RILPL1: variants seen among roughly 807,000 people sequenced by gnomAD.
The protein encoded by RILPL1 is RILP-like protein 1.
RILPL1 carries 33 observed loss-of-function variants against 50.3 expected under a neutral mutation model. That is an observed-to-expected ratio of 0.66 (90% confidence interval 0.50 to 0.88). The LOEUF is 0.88. Ranked by LOEUF, RILPL1 falls within the 40% of genes least tolerant of loss-of-function variation. The pLI, the probability that RILPL1 is intolerant of heterozygous loss-of-function variation, is 0.00. For missense variants in RILPL1, 418 were observed against 542.5 expected (o/e 0.77, Z 2.28); for synonymous variants, 205 against 228.6 (o/e 0.90, Z 0.93).
chr12:123,494,317 AAGGG>A (rs1882893625), intron 4 of RILPL1, among the ~76,000 whole-genome samples: 1 of 152,212 alleles, frequency 6.6e-6, no homozygotes, highest in Non-Finnish European at 1.5e-5. Flanking sequence ...ACAGAGCTCC[AAGGG>A]ATAGATGCGA....
At chr12:123,530,490 T>A (rs773384346) in intron 1 of RILPL1, among the ~76,000 whole-genome samples, 2 of 152,168 alleles carry the variant, frequency 1.3e-5, no homozygotes, top group Non-Finnish European at 2.9e-5. Flanking sequence ...TTTATTAACA[T>A]GGCAAAGCTG....
chr12:123,504,402 A>C lies in RILPL1; in HGVS notation c.461-4866T>G, dbSNP rs1432243544. On this transcript the variant is annotated intron_variant, in intron 2 of 6. Transcript: ENST00000376874. ...GTCTTGGTGGTCACCACCATGAACAAGCATCCCTGGTGTGTTTCCAGAACA... is the reference window on the plus strand; with the variant it reads ...GTCTTGGTGGTCACCACCATGAACACGCATCCCTGGTGTGTTTCCAGAACA... Among the ~76,000 whole-genome samples, 6 of 152,142 alleles carry C rather than the reference A, an allele frequency of 3.9e-5. 1 individual carries two copies. The South Asian group carries it at 1.2e-3, about 32-fold the overall frequency.
chr12:123,533,315 C>T lies in RILPL1; in HGVS notation c.168G>A (p.Lys56=). Residue 56 remains lysine, a synonymous_variant, in exon 1 of 7, where the codon AAG becomes AAA. Coordinates refer to ENST00000376874, the MANE Select transcript of RILPL1 (RefSeq NM_178314.5). This position sits in a 1 kb window ranked among gnomAD's most constrained non-coding sequence, Gnocchi z 6.2. ...GCEAIARLMP[K]VVRVLEILEV... is the part of the protein sequence containing the mutation. ...CCAGGATCTCCAGGACGCGCACGACCTTGGGCATGAGGCGCGCGATGGCCT... is the reference window on the plus strand; with the variant it reads ...CCAGGATCTCCAGGACGCGCACGACTTTGGGCATGAGGCGCGCGATGGCCT... The T allele has an allele frequency of 6.3e-7, 1 of 1,584,298 alleles. No homozygotes were observed.
intron 6 of RILPL1, among the ~76,000 whole-genome samples, chr12:123,478,729 G>C (rs1881765251): frequency 6.6e-6 from 1 of 152,040 alleles, no homozygotes; most frequent in Non-Finnish European, 1.5e-5. Flanking sequence ...ATACCCACCT[G>C]TCTTCTTATC....
Position 123,499,411 on chromosome 12 carries a change from C to A in RILPL1, c.579+7G>T. 1 of 1,606,304 alleles carries A rather than the reference C, an allele frequency of 6.2e-7. No homozygotes were observed. The highest frequency in any genetic ancestry group is 1.1e-5 in the South Asian group (1 of 90,892). Reference sequence around the variant, plus strand: ...GGGTGGACGCAGGTCAGGGGTGTGTCACTCACAGCCTCAACGTCCTCATTT... The same window carrying A: ...GGGTGGACGCAGGTCAGGGGTGTGTAACTCACAGCCTCAACGTCCTCATTT... On this transcript the variant is annotated splice_region_variant and intron_variant, in intron 3 of 6. Coordinates refer to ENST00000376874, the MANE Select transcript of RILPL1 (RefSeq NM_178314.5).
In RILPL1 at chr12:123,489,461, G is replaced by A. The variant is rs1182123515; in HGVS notation, c.802-3656C>T. Among the ~76,000 whole-genome samples the A allele has an allele frequency of 2.0e-5, 3 of 152,044 alleles. No individual in the cohort carries two copies. Among genetic ancestry groups the A allele is most frequent in the Non-Finnish European group, 4.4e-5 (3 of 68,008 alleles). On this transcript the variant is annotated intron_variant, in intron 4 of 6. Transcript: ENST00000376874. The surrounding 1 kb of genome is among the most constrained non-coding windows in gnomAD (Gnocchi z 4.0). ...GGGTGGATCACGAAGTCAGGAGATC[G>A]AGACCAGCCTGGCCAACATGGTGAA...
At position 123,472,549 on chromosome 12, in the gene RILPL1, G is replaced by T; in HGVS notation, c.1201C>A (p.Gln401Lys). The T allele has an allele frequency of 6.4e-7, 1 of 1,551,684 alleles. No homozygotes were observed. The highest frequency in any genetic ancestry group is 8.7e-7 in the Non-Finnish European group (1 of 1,147,200). Residue 401 changes from glutamine to lysine, a missense_variant, in exon 7 of 7, where the codon CAG becomes AAG. Coordinates refer to ENST00000376874, the MANE Select transcript of RILPL1 (RefSeq NM_178314.5). ...GYTEQGQEAL[Q>K]HL The stretch of plus-strand genomic sequence containing the variant: ...GAGATGGGCCAAGGTCACAGATGCT[G>T]CAGGGCTTCCTGTCCTTGCTCTGTG...
In RILPL1 at chr12:123,493,941, C is replaced by T. The variant is rs1034487702; in HGVS notation, c.801+4603G>A. Among the ~76,000 whole-genome samples, 7 of 152,186 alleles carry T rather than the reference C, an allele frequency of 4.6e-5. No homozygotes were observed. The South Asian group carries it at 8.3e-4, about 18-fold the overall frequency. On this transcript the variant is annotated intron_variant, in intron 4 of 6. Coordinates refer to ENST00000376874, the MANE Select transcript of RILPL1 (RefSeq NM_178314.5). ...CTGGGATTACAGGCACCCACCACCA[C>T]GCCTGGCTTTTTTTGTATATTTAGT... is the stretch of plus-strand genomic sequence containing the variant.
chr12:123,507,130 G>C (rs974716714), intron 2 of RILPL1, among the ~76,000 whole-genome samples: 6 of 152,182 alleles, frequency 3.9e-5, no homozygotes, highest in African/African-American at 7.2e-5. Flanking sequence ...ATGGAAATTC[G>C]TTTGGCCTTA....
chr12:123,520,095 C>G (rs1884942110), intron 2 of RILPL1, among the ~76,000 whole-genome samples: 1 of 152,198 alleles, frequency 6.6e-6, no homozygotes, highest in Admixed American at 6.5e-5. Context: ...AGGTACACAC[C>G]TCAAAGAACT....
intron 1 of RILPL1, among the ~76,000 whole-genome samples, chr12:123,528,895 C>G (rs1321641397): frequency 6.6e-6 from 1 of 152,062 alleles, no homozygotes; most frequent in African/African-American, 2.4e-5. Flanking sequence ...CCCAGTGGTT[C>G]TCCGGAGAAG....
intron 2 of RILPL1, among the ~76,000 whole-genome samples, chr12:123,521,161 C>A (rs61953538): frequency 2.0e-5 from 3 of 151,988 alleles, no homozygotes; most frequent in Non-Finnish European, 2.9e-5. Context: ...GTGTTTTCTA[C>A]GAACCAGGTA....
At chr12:123,478,028 C>T (rs1008991746) in intron 6 of RILPL1, among the ~76,000 whole-genome samples, 14 of 116,310 alleles carry the variant, frequency 1.2e-4, no homozygotes, top group African/African-American at 3.3e-4. Flanking sequence ...AGACAGGTCT[C>T]GCTTTGCTGC....
chr12:123,482,694 C>T (rs145739278), intron 6 of RILPL1, among the ~76,000 whole-genome samples: 129 of 151,396 alleles, frequency 8.5e-4, no homozygotes, highest in Non-Finnish European at 1.4e-3. Flanking sequence ...TCTTGGCTCA[C>T]TGAAGCCTCA....
At chr12:123,524,486 G>C (rs542801018) in intron 1 of RILPL1, among the ~76,000 whole-genome samples, 3 of 152,292 alleles carry the variant, frequency 2.0e-5, no homozygotes, top group African/African-American at 7.2e-5. Context: ...GCGTGCAGGT[G>C]AATGTTCCTC....
chr12:123,479,856 C>T (rs910269696), intron 6 of RILPL1, among the ~76,000 whole-genome samples: 3 of 152,182 alleles, frequency 2.0e-5, no homozygotes, highest in Admixed American at 1.3e-4. Context: ...AGGGCCCCAG[C>T]GTCCTTTCTG....
At chr12:123,487,350 T>C (rs1285329040) in intron 4 of RILPL1, among the ~76,000 whole-genome samples, 1 of 152,040 alleles carries the variant, frequency 6.6e-6, no homozygotes. Context: ...TCACCCAGGC[T>C]GGAGTGCAAT....
At chr12:123,516,345 T>C (rs1884694361) in intron 2 of RILPL1, among the ~76,000 whole-genome samples, 1 of 152,256 alleles carries the variant, frequency 6.6e-6, no homozygotes, top group African/African-American at 2.4e-5. Context: ...GCTCCTCGCC[T>C]AAGGGCAGGA....
chr12:123,475,802 A>G lies in RILPL1; in HGVS notation c.1068-3120T>C, dbSNP rs764778694. On this transcript the variant is annotated intron_variant, in intron 6 of 6. Coordinates refer to ENST00000376874, the MANE Select transcript of RILPL1 (RefSeq NM_178314.5). ...AGAGAAGATAAAAACGGGAGGCATGAAAAAGAAACAAACTCCACAGACACC... is the reference window on the plus strand; with the variant it reads ...AGAGAAGATAAAAACGGGAGGCATGGAAAAGAAACAAACTCCACAGACACC... The G allele has an allele frequency of 2.6e-6, 3 of 1,166,434 alleles. No individual in the cohort carries two copies. The Admixed American group carries it at 5.9e-5, about 23-fold the overall frequency. The allele number at this position is 1,166,434 out of a possible 1,614,324, so 72.3% of individuals were successfully genotyped here.
Sources: gnomAD v4.1 joint callset for allele counts (sites outside exome capture counted in the v4.1 genomes callset) on GRCh38, gnomAD v4.1.1 for gene constraint, Gnocchi (gnomAD v3.1) non-coding constraint, MANE v1.5 for transcripts, NCBI Gene and HGNC (gene_info 2026-07-23, HGNC 2026-07-21) for gene names.